ATP9A: variants seen among roughly 807,000 people sequenced by gnomAD.
The protein encoded by ATP9A is probable phospholipid-transporting ATPase IIA.
ATP9A carries 52 observed loss-of-function variants against 144.1 expected under a neutral mutation model. The observed-to-expected ratio is 0.36, with a 90% CI of 0.29 to 0.45. ATP9A has a LOEUF of 0.45. Ranked by LOEUF, ATP9A falls within the 20% of genes least tolerant of loss-of-function variation. The probability of loss-of-function intolerance (pLI) is 1.00; values close to 1 mark genes in which losing one functional copy is unlikely to be tolerated. For synonymous variants in ATP9A, 582 were observed against 557.4 expected, an observed-to-expected ratio of 1.04 and a Z score of -0.62; for missense variants, 947 against 1,392.7, an observed-to-expected ratio of 0.68 and a Z score of 5.09.
At chr20:51,731,241 T>C (rs575577037) in intron 1 of ATP9A, among the ~76,000 whole-genome samples, 39 of 150,518 alleles carry the variant, frequency 2.6e-4, no homozygotes, top group African/African-American at 9.3e-4. Flanking sequence ...TAGGCGGAGG[T>C]TGCAGTGAGC....
intron 14 of ATP9A, among the ~76,000 whole-genome samples, chr20:51,651,203 T>G (rs866401758): frequency 1.9e-4 from 24 of 129,686 alleles, no homozygotes; most frequent in South Asian, 7.4e-4. Flanking sequence ...TTTTATATAT[T>G]TATATATTAT....
chr20:51,696,212 C>A, intron 5 of ATP9A, 68 bp from the exon 6 acceptor site: 1 of 1,474,828 alleles, frequency 6.8e-7, no homozygotes, highest in Non-Finnish European at 9.4e-7. Flanking sequence ...GGGAGGGGGG[C>A]TTCCGCCCCC....
chr20:51,652,410 C>T (rs11907069), intron 14 of ATP9A, among the ~76,000 whole-genome samples: 68,426 of 152,184 alleles, frequency 0.45, 16,869 homozygotes, highest in East Asian at 0.8. Flanking sequence ...CCAGCAGCTC[C>T]CAAGTAAAAT....
intron 9 of ATP9A, among the ~76,000 whole-genome samples, chr20:51,682,279 A>C (rs571040789): frequency 6.6e-6 from 1 of 152,236 alleles, no homozygotes; most frequent in Non-Finnish European, 1.5e-5. Context: ...TCCACCAAGC[A>C]CTATGTTTAG....
At chr20:51,664,249 A>T (rs2077423529) in intron 13 of ATP9A, among the ~76,000 whole-genome samples, 1 of 152,116 alleles carries the variant, frequency 6.6e-6, no homozygotes, top group Admixed American at 6.5e-5. Flanking sequence ...TGTACTACTG[A>T]ACATTACAAA....
rs966798672 is a variant in ATP9A, at chr20:51,597,267, C to T, written c.*3944G>A. 1.3e-5 allele frequency: 2 copies of T among 152,154 alleles called. No individual in the cohort carries two copies. The highest frequency in any genetic ancestry group is 6.5e-5 in the Admixed American group (1 of 15,276). 9.4% of individuals were successfully genotyped at this position (152,154 alleles called of 1,614,324 possible). A position where few individuals can be genotyped will look rare whatever the true frequency, so the allele number is the denominator to read the frequency against. On this transcript the variant is annotated 3_prime_UTR_variant, in exon 28 of 28. Transcript: ENST00000338821. ...GCTCCAGGTGGAGGAGCTGCTCACG[C>T]TGCAGGATGCTTTGCAGGTTCATTC...
chr20:51,620,472 A>T (rs548040483), intron 19 of ATP9A, among the ~76,000 whole-genome samples: 2 of 152,196 alleles, frequency 1.3e-5, no homozygotes, highest in African/African-American at 4.8e-5. Flanking sequence ...TAAATATATA[A>T]CCTTATTTTA....
At chr20:51,651,165 T>TATACAC (rs1555832966) in intron 14 of ATP9A, among the ~76,000 whole-genome samples, 1 of 140,284 alleles carries the variant, frequency 7.1e-6, no homozygotes, top group African/African-American at 2.7e-5. Context: ...TATATATATA[T>TATACAC]ACACACACAC....
chr20:51,680,310 C>T (rs982915181), intron 9 of ATP9A, among the ~76,000 whole-genome samples: 1 of 150,854 alleles, frequency 6.6e-6, no homozygotes, highest in Non-Finnish European at 1.5e-5. Flanking sequence ...GACCACAAAT[C>T]GATCTTCTAC....
At position 51,627,660 on chromosome 20, in the gene ATP9A, C is replaced by T; in HGVS notation, c.1785G>A (p.Gly595=). ...TCTTTGCCACCACGAGCACCCGCAGCCCTTCTCGGGCCATGTTGCCACACT... is the reference window on the plus strand; with the variant it reads ...TCTTTGCCACCACGAGCACCCGCAGTCCTTCTCGGGCCATGTTGCCACACT... ...EEECGNMARE[G]LRVLVVAKKS... The change falls in exon 17 of 28, where the codon GGG becomes GGA. Residue 595 remains glycine, a synonymous_variant. Coordinates refer to ENST00000338821, the MANE Select transcript of ATP9A (RefSeq NM_006045.3). The T allele has an allele frequency of 1.9e-6, 3 of 1,614,224 alleles. No individual in the cohort carries two copies. The highest frequency in any genetic ancestry group is 2.5e-6 in the Non-Finnish European group (3 of 1,180,040).
intron 13 of ATP9A, among the ~76,000 whole-genome samples, chr20:51,657,747 C>G (rs893565849): frequency 7.9e-5 from 12 of 152,166 alleles, no homozygotes; most frequent in Non-Finnish European, 1.0e-4. Context: ...AAGTAACAAC[C>G]ATCAGCAACA....
chr20:51,625,069 G>A, intron 18 of ATP9A, 123 bp downstream of exon 18: 3 of 817,132 alleles, frequency 3.7e-6, no homozygotes, highest in Non-Finnish European at 5.5e-6. Context: ...GCCCATTGCA[G>A]ATAAGGCACT....
intron 17 of ATP9A, among the ~76,000 whole-genome samples, chr20:51,625,725 C>T (rs932489748): frequency 2.6e-5 from 4 of 152,216 alleles, no homozygotes; most frequent in South Asian, 2.1e-4. Flanking sequence ...TTCTCCCATA[C>T]ACAACATGCA....
At chr20:51,763,961 A>G (rs2077893375) in intron 1 of ATP9A, among the ~76,000 whole-genome samples, 1 of 152,258 alleles carries the variant, frequency 6.6e-6, no homozygotes, top group Non-Finnish European at 1.5e-5. Context: ...AGTGAAATTC[A>G]TATTTCTAAA....
rs535439949 is a variant in ATP9A at position 51,633,938 on chromosome 20, G to A, written c.1669-4866C>T. On this transcript the variant is annotated intron_variant, in intron 15 of 27. Transcript: ENST00000338821. ...AGGGAGGGAGGGAGAGAGAGAGGGA[G>A]GGCAGTTTTGATCCCCCTCTTTACC... Among the ~76,000 whole-genome samples, 10 of 151,392 alleles carry A rather than the reference G, an allele frequency of 6.6e-5. No individual in the cohort carries two copies. In the South Asian group the frequency reaches 2.1e-3, roughly 32 times the overall value.
Position 51,730,661 on chromosome 20 carries a change from C to T in ATP9A, c.69-683G>A, listed in dbSNP as rs193188706. On this transcript the variant is annotated intron_variant, in intron 1 of 27. Transcript: ENST00000338821. ...TATGCACTAGGCTGAATGGTACAGC[C>T]TATTATTCCTCAGCTACAAACCTGC... Among the ~76,000 whole-genome samples, 5 of 152,276 alleles carry T rather than the reference C, an allele frequency of 3.3e-5. No homozygotes were observed. The East Asian group carries it at 7.7e-4, about 24-fold the overall frequency.
chr20:51,748,948 T>TAGACAGATAGACAGACAGAC (rs2077819999), intron 1 of ATP9A, among the ~76,000 whole-genome samples: 1 of 137,802 alleles, frequency 7.3e-6, no homozygotes, highest in Non-Finnish European at 1.5e-5. Context: ...GATAGATAGA[T>TAGACAGATAGACAGACAGAC]AGACAGACAG....
intron 22 of ATP9A, among the ~76,000 whole-genome samples, chr20:51,615,546 T>C (rs547780167): frequency 6.6e-6 from 1 of 152,348 alleles, no homozygotes; most frequent in Non-Finnish European, 1.5e-5. Context: ...ACCAGTAATA[T>C]ACACACAGAA....
intron 8 of ATP9A, among the ~76,000 whole-genome samples, chr20:51,690,192 G>A (rs1321848864): frequency 6.6e-5 from 10 of 150,568 alleles, no homozygotes; most frequent in East Asian, 1.9e-4. Context: ...AGGCCAAGGC[G>A]GGCGGATCAC....
Sources: gnomAD v4.1 joint callset for allele counts (sites outside exome capture counted in the v4.1 genomes callset) on GRCh38, gnomAD v4.1.1 for gene constraint, MANE v1.5 for transcripts, NCBI Gene and HGNC (gene_info 2026-07-23, HGNC 2026-07-21) for gene names.